KLHL29: variants seen among roughly 807,000 people sequenced by gnomAD.
KLHL29 encodes the protein kelch-like protein 29.
In KLHL29, 21 loss-of-function variants were observed where a neutral mutation model predicts 80.4. The observed-to-expected ratio is 0.26, with a 90% CI of 0.19 to 0.38. The LOEUF (loss-of-function observed/expected upper bound fraction) is 0.38, where lower values mean the gene tolerates loss of function less well. KLHL29 is among the 10% of genes least tolerant of loss of function. KLHL29 has a pLI of 1.00. For missense variants in KLHL29, 867 were observed against 1,223.9 expected (o/e 0.71, Z 4.35); for synonymous variants, 511 against 526.8 (o/e 0.97, Z 0.41).
Position 23,516,606 on chromosome 2 carries a change from G to A in KLHL29, c.-46+40939G>A, listed in dbSNP as rs192666502. ...GGTCTAGCCAGGTAGCCCCATGGCC[G>A]TTGATGGCTTTGTCTCTACAGGAAA... On this transcript the variant is annotated intron_variant, in intron 2 of 13. Coordinates refer to ENST00000486442, the MANE Select transcript of KLHL29 (RefSeq NM_052920.2). Among the ~76,000 whole-genome samples, 15 of 152,328 alleles carry A rather than the reference G, an allele frequency of 9.8e-5. No individual in the cohort carries two copies. In the East Asian group the frequency reaches 1.5e-3, roughly 16 times the overall value.
At chr2:23,516,673 C>A (rs1572370834) in intron 2 of KLHL29, among the ~76,000 whole-genome samples, 1 of 152,324 alleles carries the variant, frequency 6.6e-6, no homozygotes, top group East Asian at 1.9e-4. Context: ...TGGCAGACTT[C>A]TTGGAATTCA....
intron 1 of KLHL29, among the ~76,000 whole-genome samples, chr2:23,412,934 C>T (rs1394665505): frequency 6.6e-6 from 1 of 152,208 alleles, no homozygotes; most frequent in Non-Finnish European, 1.5e-5. Flanking sequence ...TTGTAAACCA[C>T]TGCTTGTCAC....
chr2:23,413,672 A>G (rs1377042099), intron 1 of KLHL29, among the ~76,000 whole-genome samples: 1 of 152,078 alleles, frequency 6.6e-6, no homozygotes, highest in Non-Finnish European at 1.5e-5. Context: ...AAAACCACAG[A>G]TTCATGGCCC....
At chr2:23,567,870 G>A (rs1173512017) in intron 3 of KLHL29, among the ~76,000 whole-genome samples, 1 of 152,230 alleles carries the variant, frequency 6.6e-6, no homozygotes, top group African/African-American at 2.4e-5. Context: ...CCATGAACAA[G>A]AACTGTGATT....
chr2:23,687,798 G>A (rs2149197954), intron 6 of KLHL29, among the ~76,000 whole-genome samples: 1 of 152,338 alleles, frequency 6.6e-6, no homozygotes, highest in Non-Finnish European at 1.5e-5. Flanking sequence ...CGTTGCTGCA[G>A]GGCCGGGTAT....
intron 1 of KLHL29, among the ~76,000 whole-genome samples, chr2:23,428,167 CAG>C (rs1323283592): frequency 3.9e-5 from 6 of 152,204 alleles, no homozygotes; most frequent in Non-Finnish European, 8.8e-5. Flanking sequence ...CCAGAGAGAA[CAG>C]AGTTTGGACC....
Position 23,669,994 on chromosome 2 carries a change from C to T in KLHL29, c.941-14405C>T, listed in dbSNP as rs1422763493. Among the ~76,000 whole-genome samples the T allele has an allele frequency of 6.6e-6, 1 of 152,052 alleles. No homozygotes were observed. The highest frequency in any genetic ancestry group is 1.5e-5 in the Non-Finnish European group (1 of 68,004). ...AAGCTCAGCTGAAATGGTAGGGACC[C>T]ATGAAAAGTCCCATGCAGGGAGAAT... On this transcript the variant is annotated intron_variant, in intron 5 of 13. Transcript: ENST00000486442. The surrounding 1 kb of genome is among the most constrained non-coding windows in gnomAD (Gnocchi z 4.3).
At chr2:23,676,017 C>T (rs1371931234) in intron 5 of KLHL29, among the ~76,000 whole-genome samples, 1 of 152,098 alleles carries the variant, frequency 6.6e-6, no homozygotes, top group Admixed American at 6.5e-5. Context: ...GAAAAGCCCT[C>T]CAGAAGATCA....
intron 1 of KLHL29, among the ~76,000 whole-genome samples, chr2:23,445,482 T>C (rs1191120155): frequency 6.6e-6 from 1 of 152,226 alleles, no homozygotes; most frequent in Non-Finnish European, 1.5e-5. Flanking sequence ...TTCTCCACTG[T>C]GTGGCTACCC....
At chr2:23,643,154 A>C in intron 5 of KLHL29, 1 of 540,964 alleles carries the variant, frequency 1.8e-6, no homozygotes, top group Non-Finnish European at 3.4e-6. Flanking sequence ...GGCCATTCTC[A>C]CCTCCAACCC....
intron 3 of KLHL29, among the ~76,000 whole-genome samples, chr2:23,620,274 C>T (rs1342535029): frequency 6.6e-6 from 1 of 152,162 alleles, no homozygotes; most frequent in Non-Finnish European, 1.5e-5. Context: ...GGCACTCGAT[C>T]CCTTCGACAA....
chr2:23,610,642 T>G (rs567230200), intron 3 of KLHL29, among the ~76,000 whole-genome samples: 1 of 152,248 alleles, frequency 6.6e-6, no homozygotes, highest in Non-Finnish European at 1.5e-5. Flanking sequence ...TCCAGACTTG[T>G]CCTTTGCAAG....
chr2:23,387,958 C>A (rs1399143507), intron 1 of KLHL29, among the ~76,000 whole-genome samples: 1 of 152,170 alleles, frequency 6.6e-6, no homozygotes, highest in Non-Finnish European at 1.5e-5. Flanking sequence ...AAAACATTTT[C>A]TTCTCCTCGG....
intron 2 of KLHL29, among the ~76,000 whole-genome samples, chr2:23,535,442 A>T (rs1389969427): frequency 1.3e-5 from 2 of 152,282 alleles, no homozygotes; most frequent in African/African-American, 4.8e-5. Flanking sequence ...AGATATTTGT[A>T]TACCCATGTT....
At chr2:23,411,485 T>TTA (rs1407990125) in intron 1 of KLHL29, among the ~76,000 whole-genome samples, 1 of 145,016 alleles carries the variant, frequency 6.9e-6, no homozygotes, top group Non-Finnish European at 1.5e-5. Context: ...GGGAGATGGG[T>TTA]TATGACCTCT....
chr2:23,523,875 G>T (rs1236970291), intron 2 of KLHL29: 1 of 410,794 alleles, frequency 2.4e-6, no homozygotes, highest in East Asian at 7.3e-5. Flanking sequence ...TTTGCTGTTT[G>T]TACTGCTTGG....
chr2:23,390,318 G>A (rs917681567), intron 1 of KLHL29, among the ~76,000 whole-genome samples: 4 of 152,150 alleles, frequency 2.6e-5, no homozygotes, highest in Non-Finnish European at 5.9e-5. Context: ...ACTCTCGACT[G>A]TGCAGCTGCA....
In KLHL29 at chr2:23,695,680, C is replaced by T. The variant is rs1239362122; in HGVS notation, c.1600C>T (p.Leu534Phe). The T allele has an allele frequency of 6.4e-7, 1 of 1,551,662 alleles. No individual in the cohort carries two copies. Among genetic ancestry groups the T allele is most frequent in the Non-Finnish European group, 8.7e-7 (1 of 1,146,956 alleles). ...CCCCTTCATCCACCCCAGCTACCTGCTCAATGTGGTTGACAATGAAGAGCT... is the reference window on the plus strand; with the variant it reads ...CCCCTTCATCCACCCCAGCTACCTGTTCAATGTGGTTGACAATGAAGAGCT... The part of the protein sequence containing the change: ...RLPFIHPSYL[L>F]NVVDNEELIK... The change falls in exon 9 of 14, where the codon CTC (leucine) becomes TTC (phenylalanine). Residue 534 changes from leucine (L) to phenylalanine (F), a missense_variant. By Grantham distance (22) the Leu-to-Phe change is conservative. Around this residue, in one of 2 missense-constraint regions of KLHL29, gnomAD observed 443 missense variants for 767.0 expected, o/e 0.58. Transcript: ENST00000486442. This position sits in a 1 kb window ranked among gnomAD's most constrained non-coding sequence, Gnocchi z 7.6.
At chr2:23,392,779 G>GT in intron 1 of KLHL29, among the ~76,000 whole-genome samples, 1 of 152,246 alleles carries the variant, frequency 6.6e-6, no homozygotes, top group South Asian at 2.1e-4. Flanking sequence ...CTATGTCTTT[G>GT]TTTTTTCCCA....
Sources: allele counts gnomAD v4.1 joint callset (sites outside exome capture counted in the v4.1 genomes callset), GRCh38; gene constraint gnomAD v4.1.1; regional missense constraint gnomAD v4.1.1; non-coding constraint Gnocchi (gnomAD v3.1); transcripts MANE v1.5; gene names NCBI Gene and HGNC (gene_info 2026-07-23, HGNC 2026-07-21).